The following MPP4 variants were observed in gnomAD, a reference collection of about 807,000 sequenced individuals.
MPP4 encodes MAGUK p55 scaffold protein 4.
In MPP4, 91 loss-of-function variants were observed where a neutral mutation model predicts 98.3. The ratio of observed to expected loss-of-function variants is 0.93; its 90% CI spans 0.78 to 1.10. The LOEUF (loss-of-function observed/expected upper bound fraction) is 1.10. MPP4 is among the 50% of genes least tolerant of loss of function. MPP4 has a pLI of 0.00. For missense variants in MPP4, 744 were observed against 792.9 expected (o/e 0.94, Z 0.74); for synonymous variants, 261 against 271.8 (o/e 0.96, Z 0.39).
chr2:201,654,216 T>C (rs1425713670), intron 18 of MPP4, among the ~76,000 whole-genome samples: 2 of 152,108 alleles, frequency 1.3e-5, no homozygotes, highest in Admixed American at 1.3e-4. Context: ...CCTCAGATGA[T>C]CCACCCACTT....
intron 13 of MPP4, chr2:201,664,451 G>T: frequency 1.9e-6 from 2 of 1,043,836 alleles, no homozygotes; most frequent in Non-Finnish European, 2.6e-6. Flanking sequence ...ATACTGCTCG[G>T]CTTTGCTGCA....
intron 3 of MPP4, among the ~76,000 whole-genome samples, chr2:201,690,827 T>C (rs1194592362): frequency 6.6e-6 from 1 of 152,172 alleles, no homozygotes; most frequent in African/African-American, 2.4e-5. Context: ...CTAGTACAAG[T>C]TCATTTTTTA....
Position 201,690,270 on chromosome 2 carries a change from A to G in MPP4, c.211T>C (p.Cys71Arg). ...WLQALLKIYD[C>R]LQEFKEKKLV... ...TTCTTTTCTTTAAATTCCTGGAGGC[A>G]GTCATAAATCTGCAGAAGGACAAGG... The change falls in exon 4 of 22, where the codon TGC (cysteine) becomes CGC (arginine). Residue 71 changes from cysteine to arginine, a missense_variant. Transcript: ENST00000409474. 1.2e-6 allele frequency: 2 copies of G among 1,604,112 alleles called. No individual in the cohort carries two copies. The highest frequency in any genetic ancestry group is 1.7e-6 in the Non-Finnish European group (2 of 1,174,522).
chr2:201,690,181 T>C (rs1688968792), intron 4 of MPP4, 21 bp downstream of exon 4: 1 of 1,559,428 alleles, frequency 6.4e-7, no homozygotes, highest in Admixed American at 1.7e-5. Context: ...TCTACTATCC[T>C]GTGGAATAAA....
At chr2:201,663,932 T>C in intron 14 of MPP4, 149 bp downstream of exon 14, 1 of 400,016 alleles carries the variant, frequency 2.5e-6, no homozygotes, top group African/African-American at 2.1e-5. Flanking sequence ...ATATTTGAGG[T>C]TGACAACATG....
At position 201,658,651 on chromosome 2, in the gene MPP4, G is replaced by A. The variant is rs1288049476; in HGVS notation, c.1088-133C>T. 7 of 673,802 alleles carry A rather than the reference G, an allele frequency of 1.0e-5. No homozygotes were observed. In the East Asian group the frequency reaches 1.7e-4, roughly 17 times the overall value. The allele number at this position is 673,802 out of a possible 1,614,324, so 41.7% of individuals were successfully genotyped here. On this transcript the variant is annotated intron_variant, in intron 15 of 21. Transcript: ENST00000409474. ...GCAGCAGAGTTGAATTTATCCTTGA[G>A]TGGCTCACCGAATGTTCTAAGCATT...
At chr2:201,678,135 A>G (rs1029790811) in intron 10 of MPP4, among the ~76,000 whole-genome samples, 4 of 152,162 alleles carry the variant, frequency 2.6e-5, no homozygotes, top group Non-Finnish European at 5.9e-5. Flanking sequence ...TAAAAGCAGC[A>G]TGAGAACTTC....
At chr2:201,697,036 G>A (rs996638398) in intron 1 of MPP4, among the ~76,000 whole-genome samples, 1 of 152,130 alleles carries the variant, frequency 6.6e-6, no homozygotes, top group Admixed American at 6.5e-5. Flanking sequence ...CTGGGTTAAG[G>A]TCATGAGGTA....
chr2:201,657,132 A>T (rs546807841), intron 16 of MPP4, among the ~76,000 whole-genome samples: 4 of 152,224 alleles, frequency 2.6e-5, no homozygotes, highest in Admixed American at 2.6e-4. Flanking sequence ...AGGAGAGAGC[A>T]GTTAGGAAGC....
In MPP4 at chr2:201,687,356, G is replaced by A. The variant is rs753283774; in HGVS notation, c.295C>T (p.Arg99Cys). 27 of 1,579,036 alleles carry A rather than the reference G, an allele frequency of 1.7e-5. No homozygotes were observed. The highest frequency in any genetic ancestry group is 8.1e-5 in the South Asian group (7 of 86,000). The change falls in exon 5 of 22, where the codon CGT becomes TGT. Residue 99 changes from arginine (R) to cysteine (C), a missense_variant. Transcript: ENST00000409474. ...ATCTCAGGGGAAGTAGGGGTTTCAC[G>A]TAATAACTCCACTACCTGGTTCATG... is the stretch of plus-strand genomic sequence containing the variant. ...VLSYEVVELLRETPTSPEIQE... is the reference protein window; with the variant it reads ...VLSYEVVELLCETPTSPEIQE...
At chr2:201,698,031 A>G in intron 1 of MPP4, 1 of 985,536 alleles carries the variant, frequency 1.0e-6, no homozygotes, top group Non-Finnish European at 1.2e-6. Context: ...CAAATAAGTA[A>G]GCACCCACCA....
intron 4 of MPP4, 52 bp downstream of exon 4, chr2:201,690,150 A>G: frequency 8.1e-7 from 1 of 1,232,066 alleles, no homozygotes; most frequent in Non-Finnish European, 1.1e-6. Flanking sequence ...CAATGTGGGG[A>G]AAATGGCACC....
intron 8 of MPP4, among the ~76,000 whole-genome samples, chr2:201,681,825 C>A (rs1250627231): frequency 6.6e-6 from 1 of 150,982 alleles, no homozygotes; most frequent in African/African-American, 2.5e-5. Context: ...CAGGGACCCC[C>A]CCCCACCCTA....
chr2:201,657,977 T>G (rs2349731), intron 16 of MPP4, among the ~76,000 whole-genome samples: 70,181 of 147,836 alleles, frequency 0.47, 16,655 homozygotes, highest in Admixed American at 0.52. Flanking sequence ...TTGTTTTTTT[T>G]TTTTCACGCT....
intron 17 of MPP4, 149 bp downstream of exon 17, chr2:201,656,049 C>T: frequency 1.2e-6 from 1 of 838,250 alleles, no homozygotes; most frequent in Non-Finnish European, 1.8e-6. Context: ...TATAAACACA[C>T]ATGTACAATG....
chr2:201,677,515 AAAAC>A (rs1382758260), intron 10 of MPP4, among the ~76,000 whole-genome samples: 2 of 152,210 alleles, frequency 1.3e-5, no homozygotes, highest in African/African-American at 2.4e-5. Context: ...GTTGAAAGTA[AAAAC>A]AAACAAGCAA....
intron 11 of MPP4, among the ~76,000 whole-genome samples, chr2:201,672,640 T>C (rs968599180): frequency 4.6e-5 from 7 of 152,154 alleles, no homozygotes; most frequent in African/African-American, 1.7e-4. Context: ...GCAAATAAAC[T>C]AGAAAATCTA....
At chr2:201,654,662 C>A (rs1288695084) in intron 18 of MPP4, among the ~76,000 whole-genome samples, 175 bp downstream of exon 18, 1 of 152,066 alleles carries the variant, frequency 6.6e-6, no homozygotes, top group Non-Finnish European at 1.5e-5. Context: ...AAGCCAGCTG[C>A]CTACATTCCA....
chr2:201,677,374 C>T (rs1005371360), intron 10 of MPP4, among the ~76,000 whole-genome samples: 2 of 152,172 alleles, frequency 1.3e-5, no homozygotes, highest in Non-Finnish European at 2.9e-5. Context: ...ACATCTAACT[C>T]CCCCAATTTG....
Sources: gnomAD v4.1 joint callset for allele counts (sites outside exome capture counted in the v4.1 genomes callset) on GRCh38, gnomAD v4.1.1 for gene constraint, MANE v1.5 for transcripts, NCBI Gene and HGNC (gene_info 2026-07-23, HGNC 2026-07-21) for gene names.